Variants in GPBP1L1 observed in about 807,000 individuals in gnomAD.
GPBP1L1 encodes the protein GC-rich promoter binding protein 1 like 1.
In GPBP1L1, 23 loss-of-function variants were observed where a neutral mutation model predicts 52.5. That is an observed-to-expected ratio of 0.44 (90% CI 0.32 to 0.62). GPBP1L1 has a LOEUF of 0.62. Ranked by LOEUF, GPBP1L1 falls within the 20% of genes least tolerant of loss-of-function variation. GPBP1L1 has a pLI of 0.06. For synonymous variants in GPBP1L1, 243 were observed against 203.1 expected, an observed-to-expected ratio of 1.20 and a Z score of -1.67; for missense variants, 596 against 579.3, an observed-to-expected ratio of 1.03 and a Z score of -0.30.
chr1:45,649,958 CAA>C (rs1644801224), intron 6 of GPBP1L1, among the ~76,000 whole-genome samples: 1 of 152,132 alleles, frequency 6.6e-6, no homozygotes, highest in South Asian at 2.1e-4. Flanking sequence ...CCTGCAAACA[CAA>C]AGTTTTATTT....
chr1:45,658,010 T>C (rs992429361), intron 4 of GPBP1L1, among the ~76,000 whole-genome samples: 1 of 152,194 alleles, frequency 6.6e-6, no homozygotes. Context: ...CCTTCCTCTA[T>C]TCGCTGGCAA....
At chr1:45,650,191 C>T (rs1003671697) in intron 6 of GPBP1L1, among the ~76,000 whole-genome samples, 5 of 152,122 alleles carry the variant, frequency 3.3e-5, no homozygotes, top group Admixed American at 2.6e-4. Context: ...TTTCTTACTC[C>T]TCAGGTTTCA....
intron 6 of GPBP1L1, among the ~76,000 whole-genome samples, chr1:45,652,062 T>C (rs557049132): frequency 6.6e-6 from 1 of 152,352 alleles, no homozygotes; most frequent in African/African-American, 2.4e-5. Flanking sequence ...ACTAACATTT[T>C]AGCCTGGTTA....
chr1:45,674,452 C>A (rs1645114809), intron 2 of GPBP1L1, among the ~76,000 whole-genome samples: 1 of 152,184 alleles, frequency 6.6e-6, no homozygotes, highest in Non-Finnish European at 1.5e-5. Context: ...TGAGTGACAA[C>A]CACTGTATTA....
chr1:45,633,260 A>G (rs934696603), intron 10 of GPBP1L1, among the ~76,000 whole-genome samples: 2 of 152,240 alleles, frequency 1.3e-5, no homozygotes, highest in Non-Finnish European at 2.9e-5. Context: ...AGCAACCAAG[A>G]TGTACTTCAA....
chr1:45,647,464 G>A (rs1050349304), intron 6 of GPBP1L1, among the ~76,000 whole-genome samples: 1 of 152,150 alleles, frequency 6.6e-6, no homozygotes, highest in Admixed American at 6.5e-5. Context: ...GCTGGTTACC[G>A]CTTCTTAGTC....
Position 45,627,735 on chromosome 1 carries a change from CAAAA to C in GPBP1L1, c.*517_*520del, listed in dbSNP as rs377286844. On this transcript the variant is annotated 3_prime_UTR_variant, in exon 13 of 13. Coordinates refer to ENST00000355105, the MANE Select transcript of GPBP1L1 (RefSeq NM_021639.5). Reference sequence around the variant, plus strand: ...CCAAAAAGGAAAAAGAAAAAAAAAACAAAAAAAAACAACCAAAAAAACCCACATA... The same window carrying C: ...CCAAAAAGGAAAAAGAAAAAAAAAACAAAAACAACCAAAAAAACCCACATA... The C allele has an allele frequency of 8.4e-6, 1 of 119,458 alleles. No homozygotes were observed. The highest frequency in any genetic ancestry group is 3.0e-5 in the African/African-American group (1 of 32,992). The allele number at this position is 119,458 out of a possible 1,614,324, so 7.4% of individuals were successfully genotyped here. A position where few individuals can be genotyped will look rare whatever the true frequency, so the allele number is the denominator to read the frequency against.
chr1:45,634,164 T>C lies in GPBP1L1; in HGVS notation c.817A>G (p.Thr273Ala). 6.2e-7 allele frequency: 1 copy of C among 1,614,010 alleles called. No homozygotes were observed. Among genetic ancestry groups the C allele is most frequent in the South Asian group, 1.1e-5 (1 of 91,070 alleles). Residue 273 changes from threonine to alanine, a missense_variant, in exon 9 of 13, where the codon ACC becomes GCC. Thr to Ala is a moderately conservative substitution (Grantham distance 58, BLOSUM62 0). Coordinates refer to ENST00000355105, the MANE Select transcript of GPBP1L1 (RefSeq NM_021639.5). ...SLSSSRESAF[T>A]SPISVTKPVV... ...GGTTTGGTAACAGAGATTGGACTGG[T>C]AAAAGCAGACTCCCGGCTAGAGGAA...
intron 6 of GPBP1L1, among the ~76,000 whole-genome samples, chr1:45,649,063 C>T (rs1644788624): frequency 6.6e-6 from 1 of 152,166 alleles, no homozygotes; most frequent in Non-Finnish European, 1.5e-5. Context: ...AAAGTTTTCA[C>T]TGCGACCTGC....
intron 2 of GPBP1L1, among the ~76,000 whole-genome samples, chr1:45,675,163 G>A (rs1188650110): frequency 6.6e-6 from 1 of 152,034 alleles, no homozygotes; most frequent in Admixed American, 6.5e-5. Flanking sequence ...TGGGCGTGGA[G>A]GTGCATGCCT....
intron 2 of GPBP1L1, among the ~76,000 whole-genome samples, chr1:45,664,460 G>A (rs1287474213): frequency 3.3e-5 from 5 of 152,006 alleles, no homozygotes; most frequent in African/African-American, 4.8e-5. Context: ...CAGCTACTAC[G>A]GAGGCTGAGG....
At position 45,628,257 on chromosome 1, in the gene GPBP1L1, T is replaced by G; in HGVS notation, c.1424A>C (p.Ter475SerextTer12). The change falls in exon 13 of 13, where the codon TAG (stop) becomes TCG (serine). Residue 475 changes from the stop codon to serine (S), a stop_lost. Coordinates refer to ENST00000355105, the MANE Select transcript of GPBP1L1 (RefSeq NM_021639.5). The part of the protein sequence containing the change: ...SETSDDDAWK[*>S] ...ATTTAACTGTGAGCATTTATATGCC[T>G]ACTTCCAGGCATCGTCATCTGATGT... The G allele has an allele frequency of 6.2e-7, 1 of 1,613,920 alleles. No individual in the cohort carries two copies. The highest frequency in any genetic ancestry group is 8.5e-7 in the Non-Finnish European group (1 of 1,179,940).
chr1:45,635,736 T>C (rs1296705333), intron 8 of GPBP1L1: 1 of 152,192 alleles, frequency 6.6e-6, no homozygotes, highest in East Asian at 1.9e-4. Flanking sequence ...CTCTAAATTC[T>C]GAATCAACCC....
chr1:45,670,167 T>C (rs1645057838), intron 2 of GPBP1L1, among the ~76,000 whole-genome samples: 1 of 152,242 alleles, frequency 6.6e-6, no homozygotes, highest in Non-Finnish European at 1.5e-5. Context: ...AAACTACATA[T>C]GGCCAGACTG....
intron 8 of GPBP1L1, among the ~76,000 whole-genome samples, chr1:45,638,788 T>C (rs530838814): frequency 4.6e-5 from 7 of 152,100 alleles, no homozygotes; most frequent in South Asian, 2.1e-4. Flanking sequence ...TTTAAATAAA[T>C]AGATGAAAGA....
intron 10 of GPBP1L1, among the ~76,000 whole-genome samples, chr1:45,632,388 G>A (rs1450122811): frequency 6.6e-6 from 1 of 152,078 alleles, no homozygotes; most frequent in African/African-American, 2.4e-5. Flanking sequence ...GGGCAACAGA[G>A]TGAAACTCCA....
chr1:45,633,019 G>A (rs907474594), intron 10 of GPBP1L1, among the ~76,000 whole-genome samples: 2 of 152,212 alleles, frequency 1.3e-5, no homozygotes, highest in Admixed American at 1.3e-4. Context: ...TCGAATACTG[G>A]TGAGGAGGTG....
chr1:45,629,660 A>T lies in GPBP1L1; in HGVS notation c.1188T>A (p.Gly396=), dbSNP rs745331921. Reference sequence around the variant, plus strand: ...CATCATTTTCAGGATATTCCTGCCAACCCATAGCTTTCAATAACCTGGTGG... The same window carrying T: ...CATCATTTTCAGGATATTCCTGCCATCCCATAGCTTTCAATAACCTGGTGG... ...EAEHRLLKAM[G]WQEYPENDEN... The change falls in exon 12 of 13, where the codon GGT becomes GGA. Residue 396 remains glycine (G), a synonymous_variant. Coordinates refer to ENST00000355105, the MANE Select transcript of GPBP1L1 (RefSeq NM_021639.5). 6.2e-6 allele frequency: 10 copies of T among 1,611,252 alleles called. No homozygotes were observed. The highest frequency in any genetic ancestry group is 8.5e-6 in the Non-Finnish European group (10 of 1,177,528).
At chr1:45,666,871 A>G (rs1645016570) in intron 2 of GPBP1L1, among the ~76,000 whole-genome samples, 2 of 152,244 alleles carry the variant, frequency 1.3e-5, no homozygotes, top group Non-Finnish European at 2.9e-5. Context: ...AGCTATAAAA[A>G]GGAAATGAAG....
Sources: gnomAD v4.1 joint callset for allele counts (sites outside exome capture counted in the v4.1 genomes callset) on GRCh38, gnomAD v4.1.1 for gene constraint, MANE v1.5 for transcripts, NCBI Gene and HGNC (gene_info 2026-07-23, HGNC 2026-07-21) for gene names.